Variants in RALGDS observed in about 807,000 individuals in gnomAD.
RALGDS encodes the protein ral guanine nucleotide exchange factor.
Under a neutral mutation model 99.8 loss-of-function variants are expected in RALGDS, and 44 were observed. The ratio of observed to expected loss-of-function variants is 0.44; its 90% CI spans 0.35 to 0.57. The LOEUF is 0.57. Among genes scored for constraint, RALGDS ranks in the 20% least tolerant of loss-of-function variants. The pLI, the probability that RALGDS is intolerant of heterozygous loss-of-function variation, is 0.01. For missense variants in RALGDS, 1,022 were observed against 1,203.1 expected, an observed-to-expected ratio of 0.85 and a Z score of 2.23; for synonymous variants, 529 against 505.0, an observed-to-expected ratio of 1.05 and a Z score of -0.64.
At chr9:133,139,166 C>T (rs532241274) in intron 1 of RALGDS, among the ~76,000 whole-genome samples, 4 of 152,342 alleles carry the variant, frequency 2.6e-5, no homozygotes, top group East Asian at 3.9e-4. Flanking sequence ...CCCCAACACA[C>T]GTGCTAGAAT....
chr9:133,137,800 G>A (rs1032552799), intron 1 of RALGDS, among the ~76,000 whole-genome samples: 1 of 152,228 alleles, frequency 6.6e-6, no homozygotes, highest in Non-Finnish European at 1.5e-5. Context: ...CCTGGCCCAG[G>A]AACAATTCTT....
At chr9:133,126,741 A>G (rs996477295) in intron 1 of RALGDS, among the ~76,000 whole-genome samples, 1 of 152,254 alleles carries the variant, frequency 6.6e-6, no homozygotes, top group African/African-American at 2.4e-5. Context: ...AACTGAGCCC[A>G]AGAACCAAGA....
At position 133,107,092 on chromosome 9, in the gene RALGDS, AC is replaced by A; in HGVS notation, c.1405del (p.Val469TrpfsTer29). On this transcript the variant is annotated frameshift_variant, in exon 7 of 18. Coordinates refer to ENST00000372050, the MANE Select transcript of RALGDS (RefSeq NM_006266.4). LOFTEE classifies it high-confidence loss of function. ...RARVVEHWIEVARECRILKNF... is the reference protein window; with the variant it reads ...RARVVEHWIEXARECRILKNF... ...GCCCCTCCTCTGGCATACCCTGGCC[AC>A]CTCGATCCAGTGCTCCACCACCCTG... The A allele has an allele frequency of 1.2e-6, 2 of 1,613,432 alleles. No individual in the cohort carries two copies. The highest frequency in any genetic ancestry group is 1.7e-6 in the Non-Finnish European group (2 of 1,180,026).
chr9:133,116,826 C>T (rs1831632193), intron 1 of RALGDS, among the ~76,000 whole-genome samples: 1 of 152,264 alleles, frequency 6.6e-6, no homozygotes, highest in African/African-American at 2.4e-5. Flanking sequence ...GGATTTGAAC[C>T]CTGGCCTGTT....
At chr9:133,132,925 C>T (rs1237112996), upstream of RALGDS, among the ~76,000 whole-genome samples, 2 of 152,076 alleles carry the variant, frequency 1.3e-5, no homozygotes, top group African/African-American at 4.8e-5. Flanking sequence ...GCGTGAGCCA[C>T]CGTGCCTGGC....
At chr9:133,114,161 C>T (rs539020733) in intron 1 of RALGDS, among the ~76,000 whole-genome samples, 61 of 152,300 alleles carry the variant, frequency 4.0e-4, no homozygotes, top group African/African-American at 1.1e-3. Context: ...TTCTGCCAGC[C>T]GGGTGGTGGG....
At position 133,098,622 on chromosome 9, in the gene RALGDS, G is replaced by A. The variant is rs568299176; in HGVS notation, c.2710C>T (p.Gln904Ter). ...GASSTLPRMK[Q>*]KGLKIAKGIF ...CCCTTGGCAATCTTGAGTCCTTTCT[G>A]CTTCATGCGAGGGAGGGTGGAGCTG... The change falls in exon 18 of 18, where the codon CAG (glutamine) becomes TAG (stop). Residue 904 changes from glutamine to a stop codon, truncating the protein, a stop_gained. Transcript: ENST00000372050. LOFTEE classifies it high-confidence loss of function. 1.1e-5 allele frequency: 18 copies of A among 1,614,200 alleles called. No homozygotes were observed. In the South Asian group the frequency reaches 1.6e-4, roughly 15 times the overall value.
At chr9:133,113,086 C>T (rs1831428819) in intron 1 of RALGDS, among the ~76,000 whole-genome samples, 2 of 152,224 alleles carry the variant, frequency 1.3e-5, no homozygotes, top group Non-Finnish European at 2.9e-5. Flanking sequence ...CTCACAGCCC[C>T]CTATGCCACC....
In RALGDS at chr9:133,109,637, G is replaced by A. The variant is rs1158741891; in HGVS notation, c.573C>T (p.Asp191=). 1 of 1,613,300 alleles carries A rather than the reference G, an allele frequency of 6.2e-7. No individual in the cohort carries two copies. The highest frequency in any genetic ancestry group is 8.5e-7 in the Non-Finnish European group (1 of 1,179,528). ...PYSDEDGGPQ[D]QLKNAISSIL... ...CAAAGCTCACTCACTTTTTAAGTTGGTCCTGGGGTCCACCATCCTCGTCGG... is the reference window on the plus strand; with the variant it reads ...CAAAGCTCACTCACTTTTTAAGTTGATCCTGGGGTCCACCATCCTCGTCGG... Residue 191 remains aspartate (D), a synonymous_variant, in exon 4 of 18, where the codon GAC becomes GAT. Coordinates refer to ENST00000372050, the MANE Select transcript of RALGDS (RefSeq NM_006266.4).
intron 16 of RALGDS, chr9:133,100,768 G>A (rs1166979191): frequency 1.4e-5 from 16 of 1,157,288 alleles, no homozygotes; most frequent in Non-Finnish European, 8.6e-6. Flanking sequence ...GGAGGGGCCG[G>A]CCAGGATGCT....
chr9:133,145,306 T>C (rs7044265), intron 1 of RALGDS, among the ~76,000 whole-genome samples: 25,049 of 152,030 alleles, frequency 0.16, 3,343 homozygotes, highest in African/African-American at 0.37. Context: ...CCTTCTGGAA[T>C]CTCTCTGTGC....
chr9:133,110,202 A>G (rs1352158509), intron 3 of RALGDS, 94 bp downstream of exon 3: 4 of 1,288,570 alleles, frequency 3.1e-6, no homozygotes, highest in Non-Finnish European at 4.5e-6. Flanking sequence ...AGCGAGGCTC[A>G]GAGAGGTGAA....
At chr9:133,110,830 C>G (rs1831304861) in intron 2 of RALGDS, among the ~76,000 whole-genome samples, 1 of 152,146 alleles carries the variant, frequency 6.6e-6, no homozygotes, top group Non-Finnish European at 1.5e-5. Context: ...GCCTGTCATC[C>G]CAGCATTTTG....
chr9:133,107,817 A>C (rs1378572497), intron 6 of RALGDS, among the ~76,000 whole-genome samples, 171 bp downstream of exon 6: 3 of 152,262 alleles, frequency 2.0e-5, no homozygotes, highest in African/African-American at 7.2e-5. Context: ...TCTACTGTCC[A>C]GAGGTAAACT....
Position 133,102,090 on chromosome 9 carries a change from TGGAGTG to T in RALGDS, c.2053_2058del (p.His685_Ser686del), listed in dbSNP as rs1439102778. 1.3e-6 allele frequency: 2 copies of T among 1,574,162 alleles called. No homozygotes were observed. The highest frequency in any genetic ancestry group is 1.7e-6 in the Non-Finnish European group (2 of 1,159,514). ...CCACACCTGAGCTGGTCACAGGACT[TGGAGTG>T]GGAGCTGCCACTGGTACTGAGCTCA... On this transcript the variant is annotated inframe_deletion, in exon 15 of 18. Coordinates refer to ENST00000372050, the MANE Select transcript of RALGDS (RefSeq NM_006266.4).
intron 1 of RALGDS, among the ~76,000 whole-genome samples, chr9:133,142,796 T>C (rs1167613797): frequency 6.6e-6 from 1 of 152,196 alleles, no homozygotes; most frequent in East Asian, 1.9e-4. Context: ...TAACCACCAC[T>C]TGGGGCCTAG....
Position 133,121,111 on chromosome 9 carries a change from C to G in RALGDS, c.44G>C (p.Gly15Ala). 6.8e-7 allele frequency: 1 copy of G among 1,469,766 alleles called. No homozygotes were observed. The highest frequency in any genetic ancestry group is 9.0e-7 in the Non-Finnish European group (1 of 1,115,960). The allele number at this position is 1,469,766 out of a possible 1,614,324, so 91.0% of individuals were successfully genotyped here. A position where few individuals can be genotyped will look rare whatever the true frequency, so the allele number is the denominator to read the frequency against. ...MWAEAAGPAG[G>A]AEPLFPGSRR... ...GGAGCCCGGAAACAGCGGCTCGGCGCCGCCAGCAGGCCCGGCCGCCTCGGC... is the reference window on the plus strand; with the variant it reads ...GGAGCCCGGAAACAGCGGCTCGGCGGCGCCAGCAGGCCCGGCCGCCTCGGC... Residue 15 changes from glycine (G) to alanine (A), a missense_variant, in exon 1 of 18, where the codon GGC (glycine) becomes GCC (alanine). Gly to Ala is a moderately conservative substitution (Grantham distance 60). Coordinates refer to ENST00000372050, the MANE Select transcript of RALGDS (RefSeq NM_006266.4).
chr9:133,147,639 C>A (rs928100859), intron 1 of RALGDS, among the ~76,000 whole-genome samples: 1 of 152,190 alleles, frequency 6.6e-6, no homozygotes, highest in African/African-American at 2.4e-5. Flanking sequence ...CTGCCGGGCT[C>A]TCCCTGACTC....
intron 17 of RALGDS, chr9:133,099,532 T>C (rs1830648218): frequency 1.3e-5 from 2 of 153,178 alleles, no homozygotes; most frequent in Admixed American, 6.5e-5. Context: ...ATAGTATTTA[T>C]AGTTAACTTT....
Sources: gnomAD v4.1 joint callset for allele counts (sites outside exome capture counted in the v4.1 genomes callset) on GRCh38, gnomAD v4.1.1 for gene constraint, MANE v1.5 for transcripts, NCBI Gene and HGNC (gene_info 2026-07-23, HGNC 2026-07-21) for gene names.